Variants in RETREG3 observed in about 807,000 individuals in gnomAD.
RETREG3 encodes the protein reticulophagy regulator family member 3.
A neutral mutation model predicts 50.2 loss-of-function variants in RETREG3; 23 were observed. The ratio of observed to expected loss-of-function variants is 0.46; its 90% CI spans 0.33 to 0.65. The LOEUF (loss-of-function observed/expected upper bound fraction) is 0.65. RETREG3 is among the 30% of genes least tolerant of loss of function. The pLI, the probability that RETREG3 is intolerant of heterozygous loss-of-function variation, is 0.02. For synonymous variants in RETREG3, 240 were observed against 234.4 expected (o/e 1.02, Z -0.22); for missense variants, 546 against 598.0 (o/e 0.91, Z 0.91).
At chr17:42,596,508 T>G (rs1268021642) in intron 1 of RETREG3, 1 of 151,782 alleles carries the variant, frequency 6.6e-6, no homozygotes, top group Non-Finnish European at 1.5e-5. Flanking sequence ...AGAGGAATCC[T>G]CCCTTTTTTT....
At position 42,582,169 on chromosome 17, in the gene RETREG3, T is replaced by A. The variant is rs766770283; in HGVS notation, c.1045A>T (p.Thr349Ser). The stretch of plus-strand genomic sequence containing the variant: ...ATCAAGCTGGGCATGCCAATGCTAG[T>A]GTCGTCCTCATCATCCAGGCCAGCA... ...DPAGLDDEDDTSIGMPSLMYR... is the reference protein window; with the variant it reads ...DPAGLDDEDDSSIGMPSLMYR... The change falls in exon 9 of 9, where the codon ACT (threonine) becomes TCT (serine). Residue 349 changes from threonine to serine, a missense_variant. Coordinates refer to ENST00000309428, the MANE Select transcript of RETREG3 (RefSeq NM_178126.4). 3.1e-6 allele frequency: 5 copies of A among 1,613,948 alleles called. No individual in the cohort carries two copies. Among genetic ancestry groups the A allele is most frequent in the Non-Finnish European group, 4.2e-6 (5 of 1,180,026 alleles).
chr17:42,604,089 C>G (rs2093163299), intron 1 of RETREG3, among the ~76,000 whole-genome samples: 1 of 151,934 alleles, frequency 6.6e-6, no homozygotes, highest in African/African-American at 2.4e-5. Context: ...ATTTTTTACT[C>G]AAATCCTAAC....
In RETREG3 at chr17:42,586,849, G is replaced by A; in HGVS notation, c.420C>T (p.Leu140=). The A allele has an allele frequency of 6.2e-7, 1 of 1,614,150 alleles. No homozygotes were observed. Among genetic ancestry groups the A allele is most frequent in the Non-Finnish European group, 8.5e-7 (1 of 1,180,002 alleles). ...CCCAGACTTCAGCTACATGGTGGCAGAGCTCGGGCACGCTGAGCAACCGAG... is the reference window on the plus strand; with the variant it reads ...CCCAGACTTCAGCTACATGGTGGCAAAGCTCGGGCACGCTGAGCAACCGAG... ...VHPRLLSVPE[L]CHHVAEVWVS... is the part of the protein sequence containing the mutation. The change falls in exon 4 of 9, where the codon CTC becomes CTT. Residue 140 remains leucine, a synonymous_variant. Transcript: ENST00000309428.
rs772129962 is a variant in RETREG3 at position 42,583,554 on chromosome 17, G to A, written c.754C>T (p.Arg252Ter). 1.9e-6 allele frequency: 3 copies of A among 1,613,776 alleles called. No homozygotes were observed. Among genetic ancestry groups the A allele is most frequent in the Admixed American group, 1.7e-5 (1 of 60,010 alleles). The change falls in exon 7 of 9, where the codon CGA becomes TGA. Residue 252 changes from arginine (R) to a stop codon, truncating the protein, a stop_gained. Coordinates refer to ENST00000309428, the MANE Select transcript of RETREG3 (RefSeq NM_178126.4). LOFTEE classifies it high-confidence loss of function. The part of the protein sequence containing the change: ...QLRRRALHPE[R>*]AMDNHSDSEE... Reference sequence around the variant, plus strand: ...CTGTCACTGTGGTTGTCCATGGCTCGTTCTGGGTGGAGAGCTCTGCGGCGT... The same window carrying A: ...CTGTCACTGTGGTTGTCCATGGCTCATTCTGGGTGGAGAGCTCTGCGGCGT...
intron 1 of RETREG3, among the ~76,000 whole-genome samples, chr17:42,608,192 G>A (rs139192734): frequency 6.6e-6 from 1 of 152,172 alleles, no homozygotes. Flanking sequence ...CCCCCTATAA[G>A]TCAGTTCCCT....
At chr17:42,604,234 C>T (rs1216763730) in intron 1 of RETREG3, among the ~76,000 whole-genome samples, 2 of 151,912 alleles carry the variant, frequency 1.3e-5, no homozygotes, top group African/African-American at 4.8e-5. Context: ...TAATAACCTC[C>T]TAGAAATACA....
intron 3 of RETREG3, 94 bp from the exon 4 acceptor site, chr17:42,586,985 G>C (rs1335915668): frequency 3.3e-6 from 5 of 1,530,386 alleles, no homozygotes; most frequent in Non-Finnish European, 4.4e-6. Flanking sequence ...TTTTAAATGG[G>C]GTTTGGGGAG....
chr17:42,593,647 CAAAAAAAA>C (rs10537185), intron 1 of RETREG3, among the ~76,000 whole-genome samples: 30,898 of 86,380 alleles, frequency 0.36, 3,647 homozygotes, highest in Non-Finnish European at 0.41. Flanking sequence ...GACTCCGTCT[CAAAAAAAA>C]AAAAAAAAAA....
intron 2 of RETREG3, among the ~76,000 whole-genome samples, chr17:42,588,283 T>G (rs2093125239): frequency 6.6e-6 from 1 of 152,208 alleles, no homozygotes; most frequent in Non-Finnish European, 1.5e-5. Flanking sequence ...AGACAGAGTC[T>G]TCTCGCTCTG....
At chr17:42,585,006 A>T in intron 6 of RETREG3, 119 bp downstream of exon 6, 65 of 1,148,464 alleles carry the variant, frequency 5.7e-5, no homozygotes, top group African/African-American at 9.3e-5. Flanking sequence ...ATCAATCCTC[A>T]CCCCCACCAA....
chr17:42,602,326 AAAGT>A (rs2093160259), intron 1 of RETREG3, among the ~76,000 whole-genome samples: 1 of 151,922 alleles, frequency 6.6e-6, no homozygotes, highest in Admixed American at 6.6e-5. Flanking sequence ...CAAAAAAAAA[AAAGT>A]AAGAAAATAG....
At chr17:42,602,473 A>G (rs2093160487) in intron 1 of RETREG3, among the ~76,000 whole-genome samples, 1 of 152,172 alleles carries the variant, frequency 6.6e-6, no homozygotes, top group Admixed American at 6.6e-5. Flanking sequence ...TCATCACTCC[A>G]AAAGAAACCC....
intron 5 of RETREG3, 143 bp from the exon 6 acceptor site, chr17:42,585,405 G>A: frequency 8.2e-7 from 1 of 1,221,838 alleles, no homozygotes; most frequent in Non-Finnish European, 1.1e-6. Flanking sequence ...ATCTTCACCA[G>A]TCTCCCCTAC....
chr17:42,594,251 A>G (rs1056226246), intron 1 of RETREG3, among the ~76,000 whole-genome samples: 9 of 152,206 alleles, frequency 5.9e-5, no homozygotes, highest in African/African-American at 2.2e-4. Flanking sequence ...GAATATAAAT[A>G]GCATTTCACA....
At chr17:42,599,576 C>A (rs1047960241) in intron 1 of RETREG3, among the ~76,000 whole-genome samples, 3 of 151,440 alleles carry the variant, frequency 2.0e-5, no homozygotes, top group African/African-American at 7.3e-5. Flanking sequence ...ATCGCTTGAA[C>A]CCAGGAGGCA....
chr17:42,587,936 C>G (rs2093124412), intron 2 of RETREG3, 72 bp from the exon 3 acceptor site: 1 of 1,563,846 alleles, frequency 6.4e-7, no homozygotes, highest in Admixed American at 1.7e-5. Flanking sequence ...GGCTGTTGGT[C>G]TGACAGCTCA....
rs2093118726 is a variant in RETREG3 at position 42,585,134 on chromosome 17, C to G, written c.718G>C (p.Glu240Gln). 1 of 1,613,208 alleles carries G rather than the reference C, an allele frequency of 6.2e-7. No individual in the cohort carries two copies. ...ACACCATGACACTTACATTGTCTCT[C>G]TCTCTGCTTGGACATCATGTAGCCA... ...VRGYMMSKQR[E>Q]RQLRRRALHP... is the part of the protein sequence containing the mutation. Residue 240 changes from glutamate (E) to glutamine (Q), a missense_variant, in exon 6 of 9, where the codon GAG (glutamate) becomes CAG (glutamine). Glu to Gln is a conservative substitution (Grantham distance 29). Coordinates refer to ENST00000309428, the MANE Select transcript of RETREG3 (RefSeq NM_178126.4).
rs2093102306 is a variant in RETREG3 at position 42,579,550 on chromosome 17, CT to C, written c.*2262del. On this transcript the variant is annotated 3_prime_UTR_variant, in exon 9 of 9. Coordinates refer to ENST00000309428, the MANE Select transcript of RETREG3 (RefSeq NM_178126.4). Reference sequence around the variant, plus strand: ...ACAAGATTTATTCCCCAGCACACCCCTCCCCTCCTCAGTTCACAGTGGAGAC... The same window carrying C: ...ACAAGATTTATTCCCCAGCACACCCCCCCCTCCTCAGTTCACAGTGGAGAC... The C allele has an allele frequency of 6.5e-6, 1 of 152,880 alleles. No homozygotes were observed. The highest frequency in any genetic ancestry group is 6.5e-5 in the Admixed American group (1 of 15,284). 9.5% of individuals were successfully genotyped at this position (152,880 alleles called of 1,614,324 possible). A position where few individuals can be genotyped will look rare whatever the true frequency, so the allele number is the denominator to read the frequency against.
intron 1 of RETREG3, among the ~76,000 whole-genome samples, chr17:42,599,821 C>T (rs1021143826): frequency 3.3e-5 from 5 of 151,874 alleles, no homozygotes; most frequent in African/African-American, 9.7e-5. Flanking sequence ...GGCGAAACCC[C>T]GTCTCTACTA....
Sources: gnomAD v4.1 joint callset for allele counts (sites outside exome capture counted in the v4.1 genomes callset) on GRCh38, gnomAD v4.1.1 for gene constraint, MANE v1.5 for transcripts, NCBI Gene and HGNC (gene_info 2026-07-23, HGNC 2026-07-21) for gene names.